Variants in NCS1 observed in about 807,000 individuals in gnomAD.
NCS1 encodes frequenin homolog.
Under a neutral mutation model 28.4 loss-of-function variants are expected in NCS1, and 6 were observed. That is an observed-to-expected ratio of 0.21 (90% CI 0.12 to 0.42). The LOEUF is 0.42. Ranked by LOEUF, NCS1 falls within the 10% of genes least tolerant of loss-of-function variation. NCS1 has a pLI of 1.00. For synonymous variants in NCS1, 86 were observed against 99.3 expected (o/e 0.87, Z 0.79); for missense variants, 131 against 241.4 (o/e 0.54, Z 3.03).
At chr9:130,204,120 G>A (rs962030120) in intron 2 of NCS1, among the ~76,000 whole-genome samples, 7 of 152,030 alleles carry the variant, frequency 4.6e-5, no homozygotes, top group Non-Finnish European at 1.0e-4. Context: ...AGCCTCCCAA[G>A]TAGCTGGGAT....
At position 130,219,122 on chromosome 9, in the gene NCS1, T is replaced by A. The variant is rs1554909828; in HGVS notation, c.229-603T>A. Reference sequence around the variant, plus strand: ...TTGGGTTATCTGCGATGACCCTGATTCTGTCCTGCAGTAGCATTTGAGGGT... The same window carrying A: ...TTGGGTTATCTGCGATGACCCTGATACTGTCCTGCAGTAGCATTTGAGGGT... On this transcript the variant is annotated intron_variant, in intron 3 of 7. Coordinates refer to ENST00000372398, the MANE Select transcript of NCS1 (RefSeq NM_014286.4). This position sits in a 1 kb window ranked among gnomAD's most constrained non-coding sequence, Gnocchi z 5.7. Among the ~76,000 whole-genome samples the A allele has an allele frequency of 6.6e-6, 1 of 152,082 alleles. No individual in the cohort carries two copies. The highest frequency in any genetic ancestry group is 1.5e-5 in the Non-Finnish European group (1 of 68,024).
At chr9:130,194,522 C>A (rs758849) in intron 1 of NCS1, among the ~76,000 whole-genome samples, 5,703 of 152,156 alleles carry the variant, frequency 0.037, 163 homozygotes, top group Middle Eastern at 0.14. Flanking sequence ...CCCAGCCCCC[C>A]CTCTCCCAGG....
intron 1 of NCS1, among the ~76,000 whole-genome samples, chr9:130,196,306 C>T (rs1472278197): frequency 2.0e-5 from 3 of 152,208 alleles, no homozygotes; most frequent in Admixed American, 6.5e-5. Flanking sequence ...TGTGGTGGTG[C>T]AGGGATGCCT....
At position 130,175,228 on chromosome 9, in the gene NCS1, C is replaced by T. The variant is rs1554904485; in HGVS notation, c.64+2501C>T. ...TTAGTAGGTTCACAGAATGAAAAGT[C>T]TCCCAACAGGACAAGCAGAGAAAGC... On this transcript the variant is annotated intron_variant, in intron 1 of 7. Coordinates refer to ENST00000372398, the MANE Select transcript of NCS1 (RefSeq NM_014286.4). This position sits in a 1 kb window ranked among gnomAD's most constrained non-coding sequence, Gnocchi z 4.9. Among the ~76,000 whole-genome samples the T allele has an allele frequency of 6.6e-6, 1 of 152,132 alleles. No individual in the cohort carries two copies. The highest frequency in any genetic ancestry group is 1.9e-4 in the East Asian group (1 of 5,190).
At chr9:130,211,561 G>T (rs149796748) in intron 2 of NCS1, among the ~76,000 whole-genome samples, 2 of 151,650 alleles carry the variant, frequency 1.3e-5, no homozygotes, top group East Asian at 4.0e-4. Context: ...AATCAGGTCC[G>T]CGGAGGACTT....
rs550756819 is a variant in NCS1 at position 130,198,120 on chromosome 9, C to A, written c.65-2838C>A. ...AAGCATGGGCAGGACTTATCTCCCC[C>A]ACCCTAGCTCCGGTTCCCTGGGGCT... On this transcript the variant is annotated intron_variant, in intron 1 of 7. Coordinates refer to ENST00000372398, the MANE Select transcript of NCS1 (RefSeq NM_014286.4). Among the ~76,000 whole-genome samples, 7 of 152,338 alleles carry A rather than the reference C, an allele frequency of 4.6e-5. No individual in the cohort carries two copies. In the East Asian group the frequency reaches 9.6e-4, roughly 21 times the overall value.
chr9:130,176,149 T>TCTTTCTTTCTTG (rs1832562414), intron 1 of NCS1, among the ~76,000 whole-genome samples: 1 of 65,592 alleles, frequency 1.5e-5, no homozygotes, highest in Non-Finnish European at 2.5e-5. Context: ...TTTCTTTCTT[T>TCTTTCTTTCTTG]CTTTCTTTCT....
At chr9:130,172,802 C>A in intron 1 of NCS1, 75 bp downstream of exon 1, 1 of 816,324 alleles carries the variant, frequency 1.2e-6, no homozygotes. Context: ...GCCCCCCGGA[C>A]CCGCGCGCTA....
rs1564700758 is a variant in NCS1, at chr9:130,176,177, TCTTTCTTTC to T, written c.64+3451_64+3459del. On this transcript the variant is annotated intron_variant, in intron 1 of 7. Transcript: ENST00000372398. ...TTCTTTCTTTCTTTCTTTCTTTCTT[TCTTTCTTTC>T]TTTCTTTCTTTTTTTTTTTTTTTGG... Among the ~76,000 whole-genome samples, 14 of 68,690 alleles carry T rather than the reference TCTTTCTTTC, an allele frequency of 2.0e-4. No homozygotes were observed. In the East Asian group the frequency reaches 7.7e-3, roughly 38 times the overall value. 45.1% of individuals were successfully genotyped at this position (68,690 alleles called of 152,430 possible).
In NCS1 at chr9:130,223,117, T is replaced by C. The variant is rs1554910841; in HGVS notation, c.432T>C (p.Thr144=). The C allele has an allele frequency of 1.9e-6, 3 of 1,571,622 alleles. No individual in the cohort carries two copies. The highest frequency in any genetic ancestry group is 1.1e-5 in the South Asian group (1 of 90,418). ...TGGAGCTCCCAGAGGAGGAGAACAC[T>C]CCTGAGAAGAGGGTGGACCGGATCT... ...NTVELPEEEN[T]PEKRVDRIFA... is the part of the protein sequence containing the mutation. Residue 144 remains threonine (T), a synonymous_variant, in exon 6 of 8, where the codon ACT becomes ACC. Coordinates refer to ENST00000372398, the MANE Select transcript of NCS1 (RefSeq NM_014286.4).
intron 1 of NCS1, among the ~76,000 whole-genome samples, chr9:130,183,871 A>G (rs1450662265): frequency 2.1e-5 from 3 of 146,290 alleles, no homozygotes; most frequent in Admixed American, 6.9e-5. Flanking sequence ...GTGCAGTGGC[A>G]TGATCTCGGC....
In NCS1 at chr9:130,181,278, C is replaced by G. The variant is rs1352319684; in HGVS notation, c.64+8551C>G. ...TCTGGGGGTTGGGGATAAGGGACTTCTACTACACAGAGCCGTGTGCGGGGT... is the reference window on the plus strand; with the variant it reads ...TCTGGGGGTTGGGGATAAGGGACTTGTACTACACAGAGCCGTGTGCGGGGT... On this transcript the variant is annotated intron_variant, in intron 1 of 7. Coordinates refer to ENST00000372398, the MANE Select transcript of NCS1 (RefSeq NM_014286.4). This position sits in a 1 kb window ranked among gnomAD's most constrained non-coding sequence, Gnocchi z 5.0. 2.6e-5 allele frequency among the ~76,000 whole-genome samples: 4 copies of G among 152,248 alleles called. No individual in the cohort carries two copies. The East Asian group carries it at 7.7e-4, about 29-fold the overall frequency.
In NCS1 at chr9:130,201,044, G is replaced by A. The variant is rs1358364770; in HGVS notation, c.89+62G>A. On this transcript the variant is annotated intron_variant, in intron 2 of 7. Coordinates refer to ENST00000372398, the MANE Select transcript of NCS1 (RefSeq NM_014286.4). ...GCGGCTGTGGGCTTTGTGGGCTGTG[G>A]GCTGATGGGGACAGCAGTCCAGCTG... 22 of 1,606,174 alleles carry A rather than the reference G, an allele frequency of 1.4e-5. 1 individual carries two copies. The South Asian group carries it at 2.2e-4, about 16-fold the overall frequency.
intron 2 of NCS1, among the ~76,000 whole-genome samples, chr9:130,201,561 C>A (rs540726379): frequency 2.0e-5 from 3 of 151,944 alleles, no homozygotes; most frequent in Admixed American, 6.6e-5. Flanking sequence ...GGGAGGAGGG[C>A]GGTGTATTGT....
At chr9:130,223,370 C>G (rs1554910901) in intron 6 of NCS1, among the ~76,000 whole-genome samples, 1 of 152,064 alleles carries the variant, frequency 6.6e-6, no homozygotes, top group East Asian at 1.9e-4. Context: ...CTTTAATCAA[C>G]CAGAGTCCTT....
chr9:130,205,243 C>G (rs1289649726), intron 2 of NCS1, among the ~76,000 whole-genome samples: 1 of 151,874 alleles, frequency 6.6e-6, no homozygotes, highest in African/African-American at 2.4e-5. Flanking sequence ...GAGGGGGACA[C>G]GAGCCTGGCG....
intron 4 of NCS1, among the ~76,000 whole-genome samples, chr9:130,222,114 G>GTATATATATATGTA (rs1833335800): frequency 1.3e-5 from 1 of 76,160 alleles, no homozygotes; most frequent in Non-Finnish European, 2.8e-5. Context: ...ATATATATAC[G>GTATATATATATGTA]TATATATATA....
Position 130,209,735 on chromosome 9 carries a change from T to C in NCS1, c.90-8097T>C, listed in dbSNP as rs1434786756. ...GATTTTTATGAAATGAGGTTTCTTT[T>C]CTCCCCTGCCCTTTTAAAGAAGTGT... is the stretch of plus-strand genomic sequence containing the variant. On this transcript the variant is annotated intron_variant, in intron 2 of 7. Coordinates refer to ENST00000372398, the MANE Select transcript of NCS1 (RefSeq NM_014286.4). This position sits in a 1 kb window ranked among gnomAD's most constrained non-coding sequence, Gnocchi z 4.4. Among the ~76,000 whole-genome samples, 1 of 152,200 alleles carries C rather than the reference T, an allele frequency of 6.6e-6. No homozygotes were observed. The highest frequency in any genetic ancestry group is 6.5e-5 in the Admixed American group (1 of 15,286).
In NCS1 at chr9:130,180,017, A is replaced by G. The variant is rs1235456313; in HGVS notation, c.64+7290A>G. Among the ~76,000 whole-genome samples the G allele has an allele frequency of 3.4e-5, 5 of 149,032 alleles. No homozygotes were observed. Among genetic ancestry groups the G allele is most frequent in the Non-Finnish European group, 6.0e-5 (4 of 66,586 alleles). ...TTTTTATCTATCTATCTATCTATCT[A>G]TCTATCTATCTATCTATCTATCTAT... On this transcript the variant is annotated intron_variant, in intron 1 of 7. Coordinates refer to ENST00000372398, the MANE Select transcript of NCS1 (RefSeq NM_014286.4). This position sits in a 1 kb window ranked among gnomAD's most constrained non-coding sequence, Gnocchi z 4.5.
Sources: allele counts gnomAD v4.1 joint callset (sites outside exome capture counted in the v4.1 genomes callset), GRCh38; gene constraint gnomAD v4.1.1; non-coding constraint Gnocchi (gnomAD v3.1); transcripts MANE v1.5; gene names NCBI Gene and HGNC (gene_info 2026-07-23, HGNC 2026-07-21).